BCL2: variants seen among roughly 807,000 people sequenced by gnomAD.
The protein encoded by BCL2 is BCL2 apoptosis regulator, also known as apoptosis regulator Bcl-2.
A neutral mutation model predicts 14.2 loss-of-function variants in BCL2; 1 was observed. The observed-to-expected ratio is 0.07, with a 90% CI of 0.02 to 0.33. The LOEUF is 0.33. Among genes scored for constraint, BCL2 ranks in the 10% least tolerant of loss-of-function variants. The pLI is 0.99. For synonymous variants in BCL2, 151 were observed against 137.2 expected (o/e 1.10, Z -0.70); for missense variants, 247 against 305.9 (o/e 0.81, Z 1.44).
At chr18:63,136,310 C>T (rs1038251947) in intron 2 of BCL2, among the ~76,000 whole-genome samples, 7 of 152,166 alleles carry the variant, frequency 4.6e-5, no homozygotes, top group South Asian at 2.1e-4. Context: ...CTAGGGAGTT[C>T]GATCAACCTG....
intron 2 of BCL2, among the ~76,000 whole-genome samples, chr18:63,175,306 A>G (rs981910561): frequency 1.3e-5 from 2 of 152,292 alleles, no homozygotes; most frequent in Admixed American, 6.5e-5. Context: ...AATTTAAGTT[A>G]GACGTGGGAG....
At chr18:63,233,063 C>A (rs952757511) in intron 2 of BCL2, among the ~76,000 whole-genome samples, 1 of 152,178 alleles carries the variant, frequency 6.6e-6, no homozygotes, top group African/African-American at 2.4e-5. Flanking sequence ...CATAGAGGAC[C>A]TTCCCACTGT....
chr18:63,230,888 T>G (rs1375393104), intron 2 of BCL2, among the ~76,000 whole-genome samples: 2 of 151,580 alleles, frequency 1.3e-5, no homozygotes, highest in Non-Finnish European at 2.9e-5. Flanking sequence ...AGTTAAAGTA[T>G]CAATGCAAAA....
intron 2 of BCL2, among the ~76,000 whole-genome samples, chr18:63,252,521 G>C (rs2144210318): frequency 6.6e-6 from 1 of 152,258 alleles, no homozygotes; most frequent in African/African-American, 2.4e-5. Flanking sequence ...ATTGAATTAT[G>C]GTGGTAGGTC....
chr18:63,132,565 T>A (rs564324343), intron 2 of BCL2, among the ~76,000 whole-genome samples: 32 of 152,304 alleles, frequency 2.1e-4, no homozygotes, highest in Non-Finnish European at 4.3e-4. Context: ...TCTTTACACA[T>A]TATTAGAGTG....
chr18:63,166,972 T>C (rs114963536), intron 2 of BCL2, among the ~76,000 whole-genome samples: 2,983 of 152,272 alleles, frequency 0.02, 91 homozygotes, highest in African/African-American at 0.064. Flanking sequence ...CCCTGCTTTA[T>C]GGTCGCATGC....
intron 2 of BCL2, among the ~76,000 whole-genome samples, chr18:63,285,865 C>T (rs1018497748): frequency 1.3e-5 from 2 of 152,162 alleles, no homozygotes; most frequent in African/African-American, 2.4e-5. Flanking sequence ...CTTGTGTTGG[C>T]AACTTAAATT....
chr18:63,192,828 A>G lies in BCL2; in HGVS notation c.586-64069T>C, dbSNP rs933022085. 2.6e-5 allele frequency among the ~76,000 whole-genome samples: 4 copies of G among 152,162 alleles called. No individual in the cohort carries two copies. In the East Asian group the frequency reaches 5.8e-4, roughly 22 times the overall value. ...CTACTTCTGCATTTTCAATACACAGAAGGGTTTTGTCCCCAAGCACTGACA... is the reference window on the plus strand; with the variant it reads ...CTACTTCTGCATTTTCAATACACAGGAGGGTTTTGTCCCCAAGCACTGACA... On this transcript the variant is annotated intron_variant, in intron 2 of 2. Coordinates refer to ENST00000333681, the MANE Select transcript of BCL2 (RefSeq NM_000633.3).
chr18:63,228,241 G>T (rs909639329), intron 2 of BCL2, among the ~76,000 whole-genome samples: 2 of 152,234 alleles, frequency 1.3e-5, no homozygotes, highest in African/African-American at 4.8e-5. Flanking sequence ...CTTCCCAAAG[G>T]CCTCATCTCC....
intron 2 of BCL2, among the ~76,000 whole-genome samples, chr18:63,288,681 C>A (rs1159589389): frequency 2.0e-5 from 3 of 152,178 alleles, no homozygotes; most frequent in African/African-American, 7.2e-5. Context: ...ACCATCACAG[C>A]CATTGGGATA....
chr18:63,151,483 T>C (rs1470062330), intron 2 of BCL2, among the ~76,000 whole-genome samples: 1 of 93,364 alleles, frequency 1.1e-5, no homozygotes, highest in Non-Finnish European at 1.9e-5. Flanking sequence ...GGGGCGATAA[T>C]AGATGGGGGG....
chr18:63,300,350 C>T (rs1912927398), intron 2 of BCL2, among the ~76,000 whole-genome samples: 1 of 151,706 alleles, frequency 6.6e-6, no homozygotes, highest in South Asian at 2.1e-4. Flanking sequence ...AACACACACA[C>T]ATTCACAGAG....
chr18:63,155,657 G>A (rs893046435), intron 2 of BCL2, among the ~76,000 whole-genome samples: 1 of 152,224 alleles, frequency 6.6e-6, no homozygotes, highest in Non-Finnish European at 1.5e-5. Context: ...AGAGCGAGCA[G>A]GTGAGAAGAG....
At chr18:63,303,151 T>A (rs1191408968) in intron 2 of BCL2, among the ~76,000 whole-genome samples, 1 of 152,206 alleles carries the variant, frequency 6.6e-6, no homozygotes, top group Non-Finnish European at 1.5e-5. Flanking sequence ...TTTCCCCACC[T>A]TTTTATTAAG....
At chr18:63,301,325 T>C (rs1304321352) in intron 2 of BCL2, among the ~76,000 whole-genome samples, 1 of 152,220 alleles carries the variant, frequency 6.6e-6, no homozygotes, top group South Asian at 2.1e-4. Flanking sequence ...TAATGGTTTA[T>C]GTAACAAAGT....
At chr18:63,154,878 T>G (rs957452137) in intron 2 of BCL2, among the ~76,000 whole-genome samples, 1 of 152,160 alleles carries the variant, frequency 6.6e-6, no homozygotes, top group African/African-American at 2.4e-5. Flanking sequence ...ACATGGAAAT[T>G]AAAACTATTT....
intron 2 of BCL2, among the ~76,000 whole-genome samples, chr18:63,297,095 C>T (rs1912818888): frequency 6.6e-6 from 1 of 152,070 alleles, no homozygotes; most frequent in Admixed American, 6.6e-5. Context: ...CGCCTGTAGT[C>T]CCAGCTGCTT....
intron 2 of BCL2, among the ~76,000 whole-genome samples, chr18:63,261,611 C>T (rs905294881): frequency 2.6e-5 from 4 of 152,044 alleles, no homozygotes; most frequent in African/African-American, 4.8e-5. Context: ...GAAATAAAAA[C>T]GGTCTTAGGG....
chr18:63,206,791 G>A (rs371189103), intron 2 of BCL2, among the ~76,000 whole-genome samples: 1 of 152,162 alleles, frequency 6.6e-6, no homozygotes, highest in South Asian at 2.1e-4. Context: ...ACAGTGGGAG[G>A]GTTGGGGCAG....
Sources: gnomAD v4.1 joint callset for allele counts (sites outside exome capture counted in the v4.1 genomes callset) on GRCh38, gnomAD v4.1.1 for gene constraint, MANE v1.5 for transcripts, NCBI Gene and HGNC (gene_info 2026-07-23, HGNC 2026-07-21) for gene names.